DIAPH2: variants seen among roughly 807,000 people sequenced by gnomAD.
DIAPH2 encodes diaphanous related formin 2.
DIAPH2 carries 35 observed loss-of-function variants against 92.7 expected under a neutral mutation model. The ratio of observed to expected loss-of-function variants is 0.38; its 90% CI spans 0.29 to 0.50. The LOEUF (loss-of-function observed/expected upper bound fraction) is 0.50, where lower values mean the gene tolerates loss of function less well. Ranked by LOEUF, DIAPH2 falls within the 20% of genes least tolerant of loss-of-function variation. The probability of loss-of-function intolerance (pLI) is 0.94; values close to 1 mark genes in which losing one functional copy is unlikely to be tolerated. For missense variants in DIAPH2, 701 were observed against 819.5 expected (o/e 0.86, Z 1.77); for synonymous variants, 301 against 280.4 (o/e 1.07, Z -0.73).
intron 4 of DIAPH2, chrX:96,793,777 T>A (rs2064518459): frequency 3.8e-6 from 1 of 261,014 alleles, no homozygotes; most frequent in Admixed American, 4.9e-5. Context: ...CTTCAACATT[T>A]ATTTTGCGGG....
At chrX:96,812,583 C>T (rs753236774) in intron 4 of DIAPH2, among the ~76,000 whole-genome samples, 86 of 111,214 alleles carry the variant, frequency 7.7e-4, no homozygotes, top group South Asian at 4.6e-3. Flanking sequence ...TGTTTACTCT[C>T]GCTTCTCTAG....
At chrX:97,129,122 T>TTTTCTTTTC (rs1307809500) in intron 21 of DIAPH2, among the ~76,000 whole-genome samples, 5 of 74,950 alleles carry the variant, frequency 6.7e-5, no homozygotes, top group African/African-American at 2.5e-4. Flanking sequence ...TTTTCTTTTC[T>TTTTCTTTTC]TTTCTTTTCT....
intron 4 of DIAPH2, among the ~76,000 whole-genome samples, chrX:96,825,116 T>C (rs1179592043): frequency 1.0e-5 from 1 of 98,089 alleles, no homozygotes; most frequent in Non-Finnish European, 2.0e-5. Flanking sequence ...TGGCTAATTT[T>C]TGTATTTTTT....
rs143014193 is a variant in DIAPH2 at position 96,695,784 on chromosome X, A to G, written c.132+10594A>G. The stretch of plus-strand genomic sequence containing the variant: ...TTACTGATTTCTGTGACTATTATCA[A>G]TGGTGTATCCTATTGTCTGACCACG... On this transcript the variant is annotated intron_variant, in intron 1 of 26. Coordinates refer to ENST00000324765, the MANE Select transcript of DIAPH2 (RefSeq NM_006729.5). Among the ~76,000 whole-genome samples the G allele has an allele frequency of 3.6e-3, 402 of 111,810 alleles. 3 individuals carry two copies. The highest frequency in any genetic ancestry group is 0.013 in the African/African-American group (389 of 30,802).
At chrX:97,375,545 G>A (rs951114769) in intron 24 of DIAPH2, among the ~76,000 whole-genome samples, 8 of 112,089 alleles carry the variant, frequency 7.1e-5, no homozygotes, top group African/African-American at 2.6e-4. Flanking sequence ...ATGAAGTAGA[G>A]GAAAAGGGAA....
At chrX:97,072,790 A>G (rs1268565190) in intron 17 of DIAPH2, 151 bp from the exon 18 acceptor site, 8 of 371,265 alleles carry the variant, frequency 2.2e-5, no homozygotes, top group Non-Finnish European at 3.7e-5. Context: ...CTGTATTTTT[A>G]TGTTTATCCT....
intron 23 of DIAPH2, among the ~76,000 whole-genome samples, chrX:97,297,228 C>G (rs1489107031): frequency 9.3e-6 from 1 of 107,776 alleles, no homozygotes; most frequent in Non-Finnish European, 1.9e-5. Flanking sequence ...ATAAGAGAAA[C>G]CAGAACTGTA....
chrX:96,804,022 G>GA (rs974595424), intron 4 of DIAPH2, among the ~76,000 whole-genome samples: 1 of 110,304 alleles, frequency 9.1e-6, no homozygotes, highest in South Asian at 3.8e-4. Flanking sequence ...CTAGGTGACC[G>GA]AAAAAAAAAT....
chrX:97,461,613 A>G (rs1353834412), intron 26 of DIAPH2, among the ~76,000 whole-genome samples: 4 of 111,554 alleles, frequency 3.6e-5, no homozygotes, highest in Non-Finnish European at 7.5e-5. Context: ...GAAGAATTAG[A>G]TAAAGCAGCT....
At chrX:96,724,087 C>T (rs2064006704) in intron 1 of DIAPH2, among the ~76,000 whole-genome samples, 1 of 109,415 alleles carries the variant, frequency 9.1e-6, no homozygotes, top group Non-Finnish European at 1.9e-5. Context: ...CCACGCATGG[C>T]TAATTTTTTT....
At chrX:97,186,994 G>T (rs2067610285) in intron 22 of DIAPH2, among the ~76,000 whole-genome samples, 1 of 111,863 alleles carries the variant, frequency 8.9e-6, no homozygotes, top group African/African-American at 3.2e-5. Context: ...CTTAATTCCT[G>T]TTTCTAGAAT....
In DIAPH2 at chrX:97,120,614, G is replaced by GTTTTT. The variant is rs139009030; in HGVS notation, c.2589+5668_2589+5672dup. Among the ~76,000 whole-genome samples, 25 of 75,807 alleles carry GTTTTT rather than the reference G, an allele frequency of 3.3e-4. 1 individual carries two copies. Among genetic ancestry groups the GTTTTT allele is most frequent in the African/African-American group, 8.6e-4 (16 of 18,571 alleles). The allele number at this position is 75,807 out of a possible 115,157, so 65.8% of individuals were successfully genotyped here. On this transcript the variant is annotated intron_variant, in intron 21 of 26. Coordinates refer to ENST00000324765, the MANE Select transcript of DIAPH2 (RefSeq NM_006729.5). ...AAAACATTATGAGAGTTTTTTGTGG[G>GTTTTT]TTTTTTTTTTTTTTTTTTTTTTTAG... is the stretch of plus-strand genomic sequence containing the variant.
chrX:97,129,220 G>A (rs900187227), intron 21 of DIAPH2, among the ~76,000 whole-genome samples: 10 of 101,897 alleles, frequency 9.8e-5, no homozygotes, highest in African/African-American at 3.8e-4. Context: ...AGGCTAGAGT[G>A]TAGTGGTGCA....
chrX:96,916,369 G>A (rs751078407), intron 7 of DIAPH2, 69 bp from the exon 8 acceptor site: 129 of 973,458 alleles, frequency 1.3e-4, no homozygotes, highest in Non-Finnish European at 1.5e-4. Context: ...ATCATTGTAC[G>A]TTGCTTTTTT....
At chrX:97,221,387 AT>A (rs918346685) in intron 22 of DIAPH2, among the ~76,000 whole-genome samples, 9 of 111,807 alleles carry the variant, frequency 8.0e-5, no homozygotes, top group Non-Finnish European at 1.1e-4. Flanking sequence ...ATAAAATAGC[AT>A]TTTTTTGTGG....
intron 23 of DIAPH2, among the ~76,000 whole-genome samples, chrX:97,338,891 A>G (rs939051610): frequency 8.9e-6 from 1 of 111,800 alleles, no homozygotes; most frequent in Non-Finnish European, 1.9e-5. Flanking sequence ...AAGTGATCCT[A>G]CTTTACCAAT....
chrX:96,980,266 C>G (rs1228318865), intron 17 of DIAPH2, among the ~76,000 whole-genome samples: 1 of 111,142 alleles, frequency 9.0e-6, no homozygotes, highest in Non-Finnish European at 1.9e-5. Flanking sequence ...GGAAGTGGCT[C>G]TTAGCCGGAA....
chrX:96,710,877 A>G (rs1602444251), intron 1 of DIAPH2, among the ~76,000 whole-genome samples: 1 of 111,121 alleles, frequency 9.0e-6, no homozygotes, highest in African/African-American at 3.3e-5. Flanking sequence ...TCATTGCATC[A>G]TTCTCATACC....
chrX:96,992,442 A>C (rs1317064927), intron 17 of DIAPH2, among the ~76,000 whole-genome samples: 1 of 112,108 alleles, frequency 8.9e-6, no homozygotes, highest in Non-Finnish European at 1.9e-5. Flanking sequence ...CTTGCTCCTA[A>C]TTAAAAGTAT....
Sources: allele counts gnomAD v4.1 joint callset (sites outside exome capture counted in the v4.1 genomes callset), GRCh38; gene constraint gnomAD v4.1.1; transcripts MANE v1.5; gene names NCBI Gene and HGNC (gene_info 2026-07-23, HGNC 2026-07-21).